SMYD3: variants seen among roughly 807,000 people sequenced by gnomAD.
SMYD3 encodes histone-lysine N-methyltransferase SMYD3.
SMYD3 carries 36 observed loss-of-function variants against 57.7 expected under a neutral mutation model. The ratio of observed to expected loss-of-function variants is 0.62; its 90% CI spans 0.48 to 0.82. SMYD3 has a LOEUF of 0.82. Among genes scored for constraint, SMYD3 ranks in the 40% least tolerant of loss-of-function variants. The pLI, the probability that SMYD3 is intolerant of heterozygous loss-of-function variation, is 0.00. For missense variants in SMYD3, 515 were observed against 538.8 expected (o/e 0.96, Z 0.44); for synonymous variants, 211 against 195.0 (o/e 1.08, Z -0.68).
At chr1:246,380,682 GAC>G (rs1372575992) in intron 1 of SMYD3, among the ~76,000 whole-genome samples, 1 of 152,184 alleles carries the variant, frequency 6.6e-6, no homozygotes, top group Non-Finnish European at 1.5e-5. Context: ...TTGATGCTAC[GAC>G]AGAGGCAGAA....
intron 5 of SMYD3, among the ~76,000 whole-genome samples, chr1:246,082,368 T>C (rs188668303): frequency 6.6e-6 from 1 of 152,300 alleles, no homozygotes; most frequent in Admixed American, 6.5e-5. Context: ...CGAAACGTTT[T>C]TCAGACGTTA....
At chr1:245,997,029 C>T (rs540140208) in intron 5 of SMYD3, among the ~76,000 whole-genome samples, 10 of 152,224 alleles carry the variant, frequency 6.6e-5, no homozygotes, top group African/African-American at 1.9e-4. Flanking sequence ...CTAGGGTATG[C>T]GCATATGCTG....
Position 246,156,774 on chromosome 1 carries a change from T to C in SMYD3, c.531+170427A>G, listed in dbSNP as rs77300093. ...TACGAAAGGGAGAGTCACAGAATGCTTTCCCTTAAGAGGTCATATTTGAGC... is the reference window on the plus strand; with the variant it reads ...TACGAAAGGGAGAGTCACAGAATGCCTTCCCTTAAGAGGTCATATTTGAGC... On this transcript the variant is annotated intron_variant, in intron 5 of 11. Coordinates refer to ENST00000490107, the MANE Select transcript of SMYD3 (RefSeq NM_001167740.2). 1.8e-3 allele frequency among the ~76,000 whole-genome samples: 281 copies of C among 152,324 alleles called. 3 individuals are homozygous for C. Among genetic ancestry groups the C allele is most frequent in the African/African-American group, 6.4e-3 (267 of 41,566 alleles).
intron 5 of SMYD3, chr1:245,955,876 G>GTTT: frequency 1.4e-6 from 1 of 735,186 alleles, no homozygotes; most frequent in Non-Finnish European, 1.7e-6. Flanking sequence ...TTTGTTTTGG[G>GTTT]TTTTTTTTTT....
intron 5 of SMYD3, among the ~76,000 whole-genome samples, chr1:246,030,566 T>C (rs2148260378): frequency 6.6e-6 from 1 of 152,326 alleles, no homozygotes; most frequent in South Asian, 2.1e-4. Flanking sequence ...TTTTTTAATG[T>C]TCACAACACA....
intron 5 of SMYD3, among the ~76,000 whole-genome samples, chr1:246,308,782 G>A (rs182496205): frequency 6.6e-6 from 1 of 152,226 alleles, no homozygotes; most frequent in East Asian, 1.9e-4. Flanking sequence ...TCGGGATTCT[G>A]CTGTCACTCA....
intron 8 of SMYD3, among the ~76,000 whole-genome samples, chr1:245,883,467 T>C (rs1284793496): frequency 6.6e-6 from 1 of 152,224 alleles, no homozygotes; most frequent in Non-Finnish European, 1.5e-5. Context: ...ACCACTTTTC[T>C]TTCATTTTTA....
At chr1:246,286,616 C>A (rs1010916000) in intron 5 of SMYD3, among the ~76,000 whole-genome samples, 1 of 152,084 alleles carries the variant, frequency 6.6e-6, no homozygotes, top group Non-Finnish European at 1.5e-5. Flanking sequence ...TAATGACTTG[C>A]CAATATAAAT....
intron 5 of SMYD3, among the ~76,000 whole-genome samples, chr1:245,957,867 CT>C (rs1230528935): frequency 6.6e-6 from 1 of 152,130 alleles, no homozygotes; most frequent in African/African-American, 2.4e-5. Flanking sequence ...TAAGGGAAAC[CT>C]TTACTTTGGG....
intron 1 of SMYD3, among the ~76,000 whole-genome samples, chr1:246,503,506 C>T (rs897064248): frequency 1.3e-5 from 2 of 152,186 alleles, no homozygotes; most frequent in African/African-American, 4.8e-5. Flanking sequence ...TAGAGCACTA[C>T]ACTAGGGAGT....
At chr1:245,901,201 G>C (rs956564565) in intron 8 of SMYD3, among the ~76,000 whole-genome samples, 1 of 152,130 alleles carries the variant, frequency 6.6e-6, no homozygotes, top group Non-Finnish European at 1.5e-5. Context: ...GTCAGACTTG[G>C]TTTTGCCACT....
chr1:245,797,468 C>A (rs868645299), intron 10 of SMYD3, among the ~76,000 whole-genome samples: 2 of 139,444 alleles, frequency 1.4e-5, no homozygotes, highest in South Asian at 2.2e-4. Context: ...TAGGTGGGAA[C>A]TGAACAATGA....
chr1:245,756,546 C>T (rs962560811), intron 11 of SMYD3, among the ~76,000 whole-genome samples: 6 of 151,908 alleles, frequency 3.9e-5, no homozygotes, highest in East Asian at 1.9e-4. Flanking sequence ...AGTCTGCTAG[C>T]GATAAGTTCT....
At chr1:246,426,328 C>T (rs1572490129) in intron 1 of SMYD3, among the ~76,000 whole-genome samples, 1 of 152,094 alleles carries the variant, frequency 6.6e-6, no homozygotes, top group Non-Finnish European at 1.5e-5. Flanking sequence ...GAGAGCTGTA[C>T]AGCCATCACC....
intron 1 of SMYD3, among the ~76,000 whole-genome samples, chr1:246,463,661 C>CAAAAAAAAAAAAAAA (rs35482116): frequency 2.5e-4 from 18 of 73,118 alleles, no homozygotes; most frequent in East Asian, 8.5e-4. Flanking sequence ...ACTAAAAATA[C>CAAAAAAAAAAAAAAA]AAAAAAAAAA....
At chr1:245,956,780 G>A (rs1298141180) in intron 5 of SMYD3, among the ~76,000 whole-genome samples, 1 of 152,214 alleles carries the variant, frequency 6.6e-6, no homozygotes, top group African/African-American at 2.4e-5. Flanking sequence ...GCCTGCCAGC[G>A]AAGTCATCTT....
intron 1 of SMYD3, among the ~76,000 whole-genome samples, chr1:246,399,048 G>A (rs1319481764): frequency 6.6e-6 from 1 of 152,052 alleles, no homozygotes; most frequent in Admixed American, 6.5e-5. Context: ...TTGAGACAGA[G>A]TCTTGCTCTG....
At chr1:246,224,915 C>T (rs12022742) in intron 5 of SMYD3, among the ~76,000 whole-genome samples, 40,216 of 151,518 alleles carry the variant, frequency 0.27, 6,066 homozygotes, top group East Asian at 0.58. Flanking sequence ...CAGAGGGAGC[C>T]GAGGAATCAA....
intron 5 of SMYD3, among the ~76,000 whole-genome samples, chr1:246,133,017 C>T (rs531740460): frequency 2.8e-4 from 43 of 151,872 alleles, no homozygotes; most frequent in Non-Finnish European, 5.2e-4. Context: ...AAACTGAAAC[C>T]CTTGGGTACT....
Sources: allele counts gnomAD v4.1 joint callset (sites outside exome capture counted in the v4.1 genomes callset), GRCh38; gene constraint gnomAD v4.1.1; transcripts MANE v1.5; gene names NCBI Gene and HGNC (gene_info 2026-07-23, HGNC 2026-07-21).